The following BPIFB6 variants were observed in gnomAD, a reference collection of about 807,000 sequenced individuals.
The protein encoded by BPIFB6 is BPI fold-containing family B member 6.
A neutral mutation model predicts 54.7 loss-of-function variants in BPIFB6; 47 were observed. The ratio of observed to expected loss-of-function variants is 0.86; its 90% CI spans 0.68 to 1.10. The LOEUF is 1.10. Ranked by LOEUF, BPIFB6 falls within the 50% of genes least tolerant of loss-of-function variation. The pLI, the probability that BPIFB6 is intolerant of heterozygous loss-of-function variation, is 0.00. For synonymous variants in BPIFB6, 255 were observed against 225.9 expected (o/e 1.13, Z -1.16); for missense variants, 603 against 564.1 (o/e 1.07, Z -0.70).
At chr20:33,035,775 T>C in intron 6 of BPIFB6, 103 bp downstream of exon 6, 5 of 1,254,766 alleles carry the variant, frequency 4.0e-6, no homozygotes, top group Non-Finnish European at 5.8e-6. Flanking sequence ...CAGCCCAGCC[T>C]TGGGACTAGA....
At chr20:33,037,123 C>T (rs947021700) in intron 7 of BPIFB6, among the ~76,000 whole-genome samples, 5 of 152,254 alleles carry the variant, frequency 3.3e-5, no homozygotes, top group Middle Eastern at 3.4e-3. Flanking sequence ...GAGCTCCAGG[C>T]GAAGAGGTGA....
At chr20:33,035,493 G>A in intron 5 of BPIFB6, 119 bp from the exon 6 acceptor site, 1 of 1,058,970 alleles carries the variant, frequency 9.4e-7, no homozygotes, top group Non-Finnish European at 1.5e-6. Context: ...TGGGACCTCA[G>A]TTTTCTCCCC....
intron 3 of BPIFB6, 42 bp from the exon 4 acceptor site, chr20:33,034,721 A>T: frequency 6.4e-7 from 1 of 1,567,360 alleles, no homozygotes; most frequent in Non-Finnish European, 8.7e-7. Flanking sequence ...AGCGGACACC[A>T]TGGCAGAGAT....
rs1490595044 is a variant in BPIFB6, at chr20:33,039,576, T to G, written c.1074+56T>G. The stretch of plus-strand genomic sequence containing the variant: ...TCCCAATCTCTTGGATATTCAGGGC[T>G]GGAGGATGGGATTTTTAGTTGACAG... On this transcript the variant is annotated intron_variant, in intron 10 of 14. Coordinates refer to ENST00000349552, the MANE Select transcript of BPIFB6 (RefSeq NM_174897.2). The G allele has an allele frequency of 4.6e-6, 7 of 1,538,238 alleles. No homozygotes were observed. The African/African-American group carries it at 9.7e-5, about 21-fold the overall frequency.
intron 8 of BPIFB6, 84 bp downstream of exon 8, chr20:33,037,822 C>A (rs1407118325): frequency 4.7e-6 from 7 of 1,495,430 alleles, no homozygotes; most frequent in Non-Finnish European, 6.4e-6. Context: ...TGAAAATTAT[C>A]CTGGCCTTGT....
At position 33,037,749 on chromosome 20, in the gene BPIFB6, CA is replaced by C. The variant is rs1427236505; in HGVS notation, c.846+12del. The C allele has an allele frequency of 6.2e-7, 1 of 1,613,566 alleles. No homozygotes were observed. The highest frequency in any genetic ancestry group is 8.5e-7 in the Non-Finnish European group (1 of 1,179,694). On this transcript the variant is annotated intron_variant, in intron 8 of 14. Coordinates refer to ENST00000349552, the MANE Select transcript of BPIFB6 (RefSeq NM_174897.2). Reference sequence around the variant, plus strand: ...ATCCAGGATACAATGGTGAGCTGTCCAGTTCCCCATTTCCATCTGCCTCTGT... The same window carrying C: ...ATCCAGGATACAATGGTGAGCTGTCCGTTCCCCATTTCCATCTGCCTCTGT...
chr20:33,040,396 C>A, intron 11 of BPIFB6, 78 bp downstream of exon 11: 1 of 1,382,022 alleles, frequency 7.2e-7, no homozygotes, highest in Non-Finnish European at 1.0e-6. Context: ...CCCACACTAC[C>A]GAGCTGATCC....
At chr20:33,033,929 T>C (rs1279429176) in intron 2 of BPIFB6, among the ~76,000 whole-genome samples, 1 of 152,144 alleles carries the variant, frequency 6.6e-6, no homozygotes, top group Non-Finnish European at 1.5e-5. Flanking sequence ...CATAAGGAAA[T>C]GACACAGCCC....
At chr20:33,041,204 T>C (rs531391086) in intron 11 of BPIFB6, among the ~76,000 whole-genome samples, 4 of 152,108 alleles carry the variant, frequency 2.6e-5, no homozygotes, top group African/African-American at 9.7e-5. Flanking sequence ...TTAGCCAGGA[T>C]GGTCTGGATT....
chr20:33,040,068 A>G (rs1337271496), intron 10 of BPIFB6, among the ~76,000 whole-genome samples, 183 bp from the exon 11 acceptor site: 1 of 152,208 alleles, frequency 6.6e-6, no homozygotes, highest in East Asian at 1.9e-4. Context: ...AGGAGGGATG[A>G]GAAGCCTGGG....
At chr20:33,041,447 G>A (rs1466958982) in intron 11 of BPIFB6, among the ~76,000 whole-genome samples, 1 of 152,142 alleles carries the variant, frequency 6.6e-6, no homozygotes, top group Non-Finnish European at 1.5e-5. Context: ...GAGGGACTTT[G>A]GGTTTAGCCC....
intron 2 of BPIFB6, chr20:33,033,521 G>C (rs1979193753): frequency 2.2e-6 from 1 of 455,212 alleles, no homozygotes; most frequent in Non-Finnish European, 4.4e-6. Context: ...CGATGCACTT[G>C]GGAGGGCTCT....
chr20:33,043,634 A>T (rs1979686135), intron 14 of BPIFB6, among the ~76,000 whole-genome samples: 1 of 152,302 alleles, frequency 6.6e-6, no homozygotes, highest in East Asian at 1.9e-4. Flanking sequence ...CATAAAATGG[A>T]GATGATAATA....
At chr20:33,043,210 C>T in intron 13 of BPIFB6, 81 bp from the exon 14 acceptor site, 1 of 1,244,924 alleles carries the variant, frequency 8.0e-7, no homozygotes, top group Non-Finnish European at 1.2e-6. Flanking sequence ...GCACTATTTC[C>T]CACTATCCCT....
At chr20:33,034,638 G>T in intron 3 of BPIFB6, 125 bp from the exon 4 acceptor site, 1 of 1,119,274 alleles carries the variant, frequency 8.9e-7, no homozygotes, top group South Asian at 1.5e-5. Flanking sequence ...CCCCTTTTCT[G>T]TCTTGTAGGG....
chr20:33,041,140 C>G lies in BPIFB6; in HGVS notation c.1142+822C>G, dbSNP rs187671711. Among the ~76,000 whole-genome samples the G allele has an allele frequency of 5.0e-4, 76 of 152,174 alleles. No individual in the cohort carries two copies. The East Asian group carries it at 0.013, about 27-fold the overall frequency. On this transcript the variant is annotated intron_variant, in intron 11 of 14. Transcript: ENST00000349552. ...GAGTAGCTGAGACTACAGGCGCCCGCCACCACGCCTGGCTAATTTTTTGTA... is the reference window on the plus strand; with the variant it reads ...GAGTAGCTGAGACTACAGGCGCCCGGCACCACGCCTGGCTAATTTTTTGTA...
At position 33,034,712 on chromosome 20, in the gene BPIFB6, G is replaced by A. The variant is rs771389954; in HGVS notation, c.303-51G>A. On this transcript the variant is annotated intron_variant, in intron 3 of 14. Coordinates refer to ENST00000349552, the MANE Select transcript of BPIFB6 (RefSeq NM_174897.2). ...TGTGAGCAAAGAGAAGGCAGGGAGA[G>A]CGGACACCATGGCAGAGATGCCCAT... 1.9e-6 allele frequency: 3 copies of A among 1,548,906 alleles called. No homozygotes were observed. The South Asian group carries it at 3.7e-5, about 19-fold the overall frequency.
chr20:33,042,158 C>T (rs563419509), intron 12 of BPIFB6, 143 bp downstream of exon 12: 64 of 778,392 alleles, frequency 8.2e-5, no homozygotes, highest in African/African-American at 7.1e-4. Flanking sequence ...CCTGACTTGC[C>T]GTGTGAGCTT....
chr20:33,043,480 G>A, intron 14 of BPIFB6, 113 bp downstream of exon 14: 1 of 958,460 alleles, frequency 1.0e-6, no homozygotes, highest in Non-Finnish European at 1.7e-6. Context: ...AGGGCAGGTG[G>A]CCATCAATAT....
Sources: allele counts gnomAD v4.1 joint callset (sites outside exome capture counted in the v4.1 genomes callset), GRCh38; gene constraint gnomAD v4.1.1; transcripts MANE v1.5; gene names NCBI Gene and HGNC (gene_info 2026-07-23, HGNC 2026-07-21).